The following ALCAM variants were observed in gnomAD, a reference collection of about 807,000 sequenced individuals.
ALCAM encodes CD166 antigen.
A neutral mutation model predicts 70.9 loss-of-function variants in ALCAM; 30 were observed. The observed-to-expected ratio is 0.42, with a 90% confidence interval of 0.32 to 0.57. ALCAM has a LOEUF of 0.57. ALCAM is among the 20% of genes least tolerant of loss of function. The pLI is 0.11. For missense variants in ALCAM, 591 were observed against 695.1 expected, an observed-to-expected ratio of 0.85 and a Z score of 1.68; for synonymous variants, 249 against 242.5, an observed-to-expected ratio of 1.03 and a Z score of -0.25.
intron 6 of ALCAM, 136 bp from the exon 7 acceptor site, chr3:105,539,839 A>T (rs921585544): frequency 1.2e-6 from 1 of 806,140 alleles, no homozygotes. Context: ...CAATCCTTCT[A>T]TAAAAAGGTA....
intron 1 of ALCAM, among the ~76,000 whole-genome samples, chr3:105,413,105 A>C (rs1054539219): frequency 1.3e-5 from 2 of 152,128 alleles, no homozygotes; most frequent in African/African-American, 4.8e-5. Context: ...CAACTAGCAT[A>C]GTGACACGTG....
chr3:105,527,401 A>G (rs956777269), intron 3 of ALCAM, among the ~76,000 whole-genome samples: 10 of 152,112 alleles, frequency 6.6e-5, no homozygotes, highest in African/African-American at 1.9e-4. Context: ...TCACCTCACC[A>G]GTCTGGGGCT....
In ALCAM at chr3:105,385,350, G is replaced by T. The variant is rs369100660; in HGVS notation, c.73+17869G>T. Among the ~76,000 whole-genome samples, 49 of 151,660 alleles carry T rather than the reference G, an allele frequency of 3.2e-4. No individual in the cohort carries two copies. In the East Asian group the frequency reaches 5.3e-3, roughly 16 times the overall value. On this transcript the variant is annotated intron_variant, in intron 1 of 15. Coordinates refer to ENST00000306107, the MANE Select transcript of ALCAM (RefSeq NM_001627.4). ...TGGAGGACAAGTGAAGCTTAAAGGAGCAGCTTGTACTGATGAGAAAGGGGA... is the reference window on the plus strand; with the variant it reads ...TGGAGGACAAGTGAAGCTTAAAGGATCAGCTTGTACTGATGAGAAAGGGGA...
At chr3:105,368,629 C>G (rs1275305887) in intron 1 of ALCAM, among the ~76,000 whole-genome samples, 1 of 152,088 alleles carries the variant, frequency 6.6e-6, no homozygotes, top group Non-Finnish European at 1.5e-5. Flanking sequence ...TGTCGGCAAG[C>G]TCAGGTCACA....
chr3:105,475,285 TA>T (rs1391335809), intron 1 of ALCAM, among the ~76,000 whole-genome samples: 5 of 152,008 alleles, frequency 3.3e-5, no homozygotes, highest in Admixed American at 6.6e-5. Context: ...ATGGTACAGA[TA>T]ACTCTATATA....
intron 1 of ALCAM, among the ~76,000 whole-genome samples, chr3:105,373,500 G>A (rs1478200913): frequency 6.6e-6 from 1 of 152,050 alleles, no homozygotes; most frequent in Non-Finnish European, 1.5e-5. Flanking sequence ...AGAGAGTCTA[G>A]ATTACCTTAT....
intron 1 of ALCAM, among the ~76,000 whole-genome samples, chr3:105,435,524 A>G (rs1425860304): frequency 1.3e-5 from 2 of 152,236 alleles, no homozygotes; most frequent in African/African-American, 2.4e-5. Flanking sequence ...AATTGATAAA[A>G]TGGTATTGGA....
At chr3:105,445,073 A>G (rs960974914) in intron 1 of ALCAM, among the ~76,000 whole-genome samples, 1 of 152,216 alleles carries the variant, frequency 6.6e-6, no homozygotes, top group Admixed American at 6.5e-5. Context: ...ATGAGCTCAA[A>G]TAGCAACAAG....
intron 1 of ALCAM, among the ~76,000 whole-genome samples, chr3:105,487,377 T>C (rs1323675360): frequency 1.3e-5 from 2 of 152,152 alleles, no homozygotes; most frequent in African/African-American, 4.8e-5. Context: ...TTCCATCTAA[T>C]AGATGGAGTG....
intron 1 of ALCAM, among the ~76,000 whole-genome samples, chr3:105,382,203 C>T (rs1005317031): frequency 6.7e-6 from 1 of 149,346 alleles, no homozygotes; most frequent in Non-Finnish European, 1.5e-5. Context: ...GGTTTTTTGT[C>T]CTTGCCATAG....
At chr3:105,516,498 C>T (rs1344701455) in intron 1 of ALCAM, among the ~76,000 whole-genome samples, 1 of 151,962 alleles carries the variant, frequency 6.6e-6, no homozygotes, top group Non-Finnish European at 1.5e-5. Flanking sequence ...TTCCTGTGCT[C>T]ACCGCATTGA....
At chr3:105,545,628 A>G (rs142331382) in intron 9 of ALCAM, among the ~76,000 whole-genome samples, 100 of 151,630 alleles carry the variant, frequency 6.6e-4, no homozygotes, top group African/African-American at 2.3e-3. Flanking sequence ...AAACATAGTT[A>G]TATACCACAG....
intron 1 of ALCAM, among the ~76,000 whole-genome samples, chr3:105,492,179 A>G (rs1057333178): frequency 1.3e-5 from 2 of 152,110 alleles, no homozygotes; most frequent in Non-Finnish European, 2.9e-5. Context: ...CTCCTTATAA[A>G]AGCATCGGAC....
At chr3:105,569,875 G>A (rs867362829) in intron 14 of ALCAM, among the ~76,000 whole-genome samples, 1 of 152,132 alleles carries the variant, frequency 6.6e-6, no homozygotes, top group Non-Finnish European at 1.5e-5. Flanking sequence ...TAAAGAAAGG[G>A]ATACTTTCTA....
In ALCAM at chr3:105,524,447, T is replaced by G; in HGVS notation, c.333T>G (p.Phe111Leu). ...SNARISDEKRFVCMLVTEDNV... is the reference protein window; with the variant it reads ...SNARISDEKRLVCMLVTEDNV... ...CAAGGATCAGTGATGAAAAGAGATT[T>G]GTGTGCATGCTAGTAACTGAGGACA... Residue 111 changes from phenylalanine to leucine, a missense_variant, in exon 3 of 16, where the codon TTT (phenylalanine) becomes TTG (leucine). Coordinates refer to ENST00000306107, the MANE Select transcript of ALCAM (RefSeq NM_001627.4). 4 of 1,614,108 alleles carry G rather than the reference T, an allele frequency of 2.5e-6. No individual in the cohort carries two copies. The highest frequency in any genetic ancestry group is 2.5e-6 in the Non-Finnish European group (3 of 1,179,998).
intron 1 of ALCAM, among the ~76,000 whole-genome samples, chr3:105,376,039 T>A (rs1270817389): frequency 6.6e-6 from 1 of 152,056 alleles, no homozygotes; most frequent in Non-Finnish European, 1.5e-5. Context: ...ACCTTAACTC[T>A]CTCCAGAGTT....
Position 105,563,667 on chromosome 3 carries a change from C to CT in ALCAM, c.1665-8154dup, listed in dbSNP as rs749625480. 1.0e-2 allele frequency among the ~76,000 whole-genome samples: 519 copies of CT among 52,026 alleles called. 116 individuals are homozygous for CT. The highest frequency in any genetic ancestry group is 0.046 in the African/African-American group (452 of 9,876). The allele number at this position is 52,026 out of a possible 152,430, so 34.1% of individuals were successfully genotyped here. ...GACCTGTATGAAATTCCAAGCATTTCTTTTTTTTTTTTTTTTTTTTTTTTT... is the reference window on the plus strand; with the variant it reads ...GACCTGTATGAAATTCCAAGCATTTCTTTTTTTTTTTTTTTTTTTTTTTTTT... On this transcript the variant is annotated intron_variant, in intron 14 of 15. Transcript: ENST00000306107.
chr3:105,505,926 C>CCA (rs1939062033), intron 1 of ALCAM, among the ~76,000 whole-genome samples: 1 of 152,014 alleles, frequency 6.6e-6, no homozygotes, highest in Non-Finnish European at 1.5e-5. Context: ...GGCTTTAGAA[C>CCA]AAATAGAAAA....
chr3:105,550,380 G>A, intron 12 of ALCAM, 121 bp downstream of exon 12: 1 of 1,028,100 alleles, frequency 9.7e-7, no homozygotes. Flanking sequence ...TATTTATTTT[G>A]CATTTGGTAT....
Sources: allele counts gnomAD v4.1 joint callset (sites outside exome capture counted in the v4.1 genomes callset), GRCh38; gene constraint gnomAD v4.1.1; transcripts MANE v1.5; gene names NCBI Gene and HGNC (gene_info 2026-07-23, HGNC 2026-07-21).